GPC6: variants seen among roughly 807,000 people sequenced by gnomAD.
GPC6 encodes the protein glypican-6.
In GPC6, 14 loss-of-function variants were observed where a neutral mutation model predicts 55.2. The ratio of observed to expected loss-of-function variants is 0.25; its 90% CI spans 0.17 to 0.40. The LOEUF (loss-of-function observed/expected upper bound fraction) is 0.40, where lower values mean the gene tolerates loss of function less well. GPC6 is among the 10% of genes least tolerant of loss of function. The pLI, the probability that GPC6 is intolerant of heterozygous loss-of-function variation, is 1.00. For missense variants in GPC6, 641 were observed against 708.5 expected (o/e 0.90, Z 1.08); for synonymous variants, 278 against 259.6 (o/e 1.07, Z -0.68).
chr13:93,738,596 A>G (rs1269220376), intron 2 of GPC6, among the ~76,000 whole-genome samples: 1 of 152,192 alleles, frequency 6.6e-6, no homozygotes, highest in Non-Finnish European at 1.5e-5. Context: ...CCTCATGGTT[A>G]ACATTATAAT....
intron 6 of GPC6, among the ~76,000 whole-genome samples, chr13:94,345,499 C>G (rs534178186): frequency 2.3e-4 from 35 of 152,290 alleles, no homozygotes; most frequent in African/African-American, 8.2e-4. Context: ...TTATTTAGGG[C>G]TCCTCAGATC....
chr13:94,214,799 A>G (rs1004614287), intron 4 of GPC6, among the ~76,000 whole-genome samples: 1 of 152,204 alleles, frequency 6.6e-6, no homozygotes, highest in Non-Finnish European at 1.5e-5. Context: ...CTCAAACGCA[A>G]TTAATGCTCT....
intron 2 of GPC6, among the ~76,000 whole-genome samples, chr13:93,786,367 C>T (rs1885814820): frequency 1.3e-5 from 2 of 152,064 alleles, no homozygotes; most frequent in Admixed American, 1.3e-4. Flanking sequence ...AACCTCTAGG[C>T]TTTTGGTAGT....
chr13:93,280,342 C>G (rs893412696), intron 1 of GPC6, among the ~76,000 whole-genome samples: 4 of 152,120 alleles, frequency 2.6e-5, no homozygotes, highest in Non-Finnish European at 5.9e-5. Flanking sequence ...TAGGTTTTTA[C>G]CCAAGGTTTT....
Position 94,122,318 on chromosome 13 carries a change from G to A in GPC6, c.877+94424G>A, listed in dbSNP as rs376532849. The stretch of plus-strand genomic sequence containing the variant: ...CATTTGACTTCATTTTATGGAGCAG[G>A]AAAATTAGATACTCAGATTGTTCTG... On this transcript the variant is annotated intron_variant, in intron 4 of 8. Transcript: ENST00000377047. 2.8e-4 allele frequency among the ~76,000 whole-genome samples: 42 copies of A among 152,140 alleles called. No individual in the cohort carries two copies. In the South Asian group the frequency reaches 8.7e-3, roughly 32 times the overall value.
upstream of GPC6, among the ~76,000 whole-genome samples, chr13:93,223,808 T>G (rs1388777285): frequency 1.3e-5 from 2 of 152,000 alleles, no homozygotes; most frequent in Non-Finnish European, 2.9e-5. Flanking sequence ...CACCAACTCC[T>G]GCCAATCCTT....
intron 1 of GPC6, among the ~76,000 whole-genome samples, chr13:93,404,025 G>A (rs1876192653): frequency 6.6e-6 from 1 of 151,904 alleles, no homozygotes; most frequent in Non-Finnish European, 1.5e-5. Context: ...TGTTTTCCTG[G>A]GAGAGAGCTC....
intron 4 of GPC6, among the ~76,000 whole-genome samples, chr13:94,079,100 AT>A (rs1302679241): frequency 6.6e-6 from 1 of 152,088 alleles, no homozygotes; most frequent in Non-Finnish European, 1.5e-5. Context: ...TATAACATCT[AT>A]TTATGTAACA....
At chr13:93,390,004 A>G (rs1055534259) in intron 1 of GPC6, among the ~76,000 whole-genome samples, 27 of 151,568 alleles carry the variant, frequency 1.8e-4, no homozygotes, top group Admixed American at 4.6e-4. Context: ...GATGCCTAAC[A>G]TTATGGAAAG....
chr13:93,245,820 C>A (rs994697857), intron 1 of GPC6, among the ~76,000 whole-genome samples: 2 of 152,150 alleles, frequency 1.3e-5, no homozygotes, highest in Non-Finnish European at 2.9e-5. Context: ...TTTACATGAG[C>A]CCCTAGGGGG....
intron 6 of GPC6, among the ~76,000 whole-genome samples, chr13:94,356,124 G>T (rs1878781628): frequency 6.6e-6 from 1 of 152,196 alleles, no homozygotes; most frequent in Non-Finnish European, 1.5e-5. Context: ...ACATGATCTT[G>T]TTCCTTTGTC....
intron 1 of GPC6, among the ~76,000 whole-genome samples, chr13:93,380,520 G>T (rs1290209394): frequency 6.6e-6 from 1 of 152,146 alleles, no homozygotes; most frequent in Admixed American, 6.6e-5. Flanking sequence ...AATAGGAAAT[G>T]GAATTCCTTT....
chr13:93,293,576 C>G (rs1445647134), intron 1 of GPC6, among the ~76,000 whole-genome samples: 1 of 152,094 alleles, frequency 6.6e-6, no homozygotes, highest in Non-Finnish European at 1.5e-5. Context: ...CTAACTCTGC[C>G]TTATTATCCC....
intron 5 of GPC6, among the ~76,000 whole-genome samples, chr13:94,301,424 G>A (rs1057034406): frequency 1.3e-5 from 2 of 151,778 alleles, no homozygotes; most frequent in Non-Finnish European, 1.5e-5. Flanking sequence ...ATTTTTAAAA[G>A]GTTAAAAAAA....
intron 2 of GPC6, among the ~76,000 whole-genome samples, chr13:93,600,205 A>C (rs946253211): frequency 2.0e-5 from 3 of 152,250 alleles, no homozygotes; most frequent in Non-Finnish European, 4.4e-5. Flanking sequence ...AACAGAAAGA[A>C]GAAATAAAAT....
At chr13:94,136,208 A>G (rs542297036) in intron 4 of GPC6, among the ~76,000 whole-genome samples, 3 of 127,242 alleles carry the variant, frequency 2.4e-5, no homozygotes, top group South Asian at 4.8e-4. Context: ...TTTTTTCTTC[A>G]TTTCACTTCA....
At chr13:94,304,823 C>T (rs1382180585) in intron 5 of GPC6, among the ~76,000 whole-genome samples, 1 of 152,186 alleles carries the variant, frequency 6.6e-6, no homozygotes, top group Non-Finnish European at 1.5e-5. Flanking sequence ...TTAATTGTGA[C>T]ATGAACAGCT....
rs115384804 is a variant in GPC6, at chr13:93,737,020, A to G, written c.320-93134A>G. On this transcript the variant is annotated intron_variant, in intron 2 of 8. Transcript: ENST00000377047. ...CGAGATTGACCTTCTCCATTTTCCAATATGCCATTGCAGGCATTCTGTGTC... is the reference window on the plus strand; with the variant it reads ...CGAGATTGACCTTCTCCATTTTCCAGTATGCCATTGCAGGCATTCTGTGTC... 2.2e-3 allele frequency among the ~76,000 whole-genome samples: 341 copies of G among 152,336 alleles called. 3 individuals carry two copies. The highest frequency in any genetic ancestry group is 7.8e-3 in the African/African-American group (325 of 41,580).
At chr13:93,882,410 G>C (rs1240075210) in intron 3 of GPC6, among the ~76,000 whole-genome samples, 2 of 152,054 alleles carry the variant, frequency 1.3e-5, no homozygotes, top group Admixed American at 6.6e-5. Flanking sequence ...CTCCCAAAGT[G>C]CTGGGATTAA....
Sources: gnomAD v4.1 joint callset for allele counts (sites outside exome capture counted in the v4.1 genomes callset) on GRCh38, gnomAD v4.1.1 for gene constraint, MANE v1.5 for transcripts, NCBI Gene and HGNC (gene_info 2026-07-23, HGNC 2026-07-21) for gene names.